Variants in ZNF451 observed in about 807,000 individuals in gnomAD.
ZNF451 encodes the protein zinc finger protein 451.
In ZNF451, 80 loss-of-function variants were observed where a neutral mutation model predicts 107.1. The observed-to-expected ratio is 0.75, with a 90% CI of 0.62 to 0.90. ZNF451 has a LOEUF of 0.90. Among genes scored for constraint, ZNF451 ranks in the 40% least tolerant of loss-of-function variants. ZNF451 has a pLI of 0.00. For synonymous variants in ZNF451, 362 were observed against 406.5 expected, an observed-to-expected ratio of 0.89 and a Z score of 1.32; for missense variants, 1,107 against 1,236.2, an observed-to-expected ratio of 0.90 and a Z score of 1.57.
intron 4 of ZNF451, chr6:57,126,495 A>C (rs1830935293): frequency 6.6e-6 from 1 of 152,222 alleles, no homozygotes; most frequent in African/African-American, 2.4e-5. Flanking sequence ...TCTGGTTAAA[A>C]ATAGACACTA....
At chr6:57,134,612 T>C (rs1831342089) in intron 6 of ZNF451, 132 bp from the exon 7 acceptor site, 1 of 690,660 alleles carries the variant, frequency 1.4e-6, no homozygotes, top group Non-Finnish European at 2.3e-6. Context: ...GAACATTACT[T>C]AATATTTCAG....
At position 57,133,086 on chromosome 6, in the gene ZNF451, C is replaced by A; in HGVS notation, c.469C>A (p.Arg157=). 1 of 1,613,982 alleles carries A rather than the reference C, an allele frequency of 6.2e-7. No individual in the cohort carries two copies. Among genetic ancestry groups the A allele is most frequent in the South Asian group, 1.1e-5 (1 of 91,068 alleles). ...TAATTGTGGAACAAAAAGTTCATTC[C>A]GAAGAGGAGGCCACACGTGGGTGTC... The part of the protein sequence containing the change: ...TINCGTKSSF[R]RGGHTWVSGK... Residue 157 remains arginine, a synonymous_variant, in exon 6 of 15, where the codon CGA becomes AGA. Transcript: ENST00000370706.
At chr6:57,145,813 A>G (rs1245514487) in intron 9 of ZNF451, among the ~76,000 whole-genome samples, 1 of 152,100 alleles carries the variant, frequency 6.6e-6, no homozygotes. Flanking sequence ...TAAGGTAGAT[A>G]CCAGTAGTGG....
At chr6:57,111,967 G>A (rs1046351620) in intron 3 of ZNF451, among the ~76,000 whole-genome samples, 1 of 152,148 alleles carries the variant, frequency 6.6e-6, no homozygotes, top group African/African-American at 2.4e-5. Flanking sequence ...AATTGGGGGT[G>A]GGAAGGAGAT....
intron 2 of ZNF451, among the ~76,000 whole-genome samples, chr6:57,094,993 C>G (rs150591781): frequency 2.6e-5 from 4 of 152,214 alleles, no homozygotes; most frequent in Non-Finnish European, 5.9e-5. Context: ...AAGCTTTGCA[C>G]AAGGCATGGT....
At chr6:57,108,709 T>C in intron 3 of ZNF451, 1 of 985,426 alleles carries the variant, frequency 1.0e-6, no homozygotes, top group Non-Finnish European at 1.2e-6. Context: ...GGAAGCATGT[T>C]AATATCCGTG....
intron 9 of ZNF451, among the ~76,000 whole-genome samples, chr6:57,145,423 T>C (rs1832015523): frequency 1.3e-5 from 2 of 152,202 alleles, no homozygotes; most frequent in Non-Finnish European, 2.9e-5. Flanking sequence ...TTGTACCCAA[T>C]AGGTTATTTT....
intron 3 of ZNF451, among the ~76,000 whole-genome samples, chr6:57,100,259 TA>T (rs1221669567): frequency 2.6e-5 from 4 of 152,214 alleles, no homozygotes; most frequent in Non-Finnish European, 5.9e-5. Context: ...TTGAATGGGA[TA>T]TTTTTTTCTT....
chr6:57,144,226 A>T lies in ZNF451; in HGVS notation c.1004+2131A>T, dbSNP rs543280665. Among the ~76,000 whole-genome samples, 4 of 149,916 alleles carry T rather than the reference A, an allele frequency of 2.7e-5. No individual in the cohort carries two copies. In the East Asian group the frequency reaches 7.8e-4, roughly 29 times the overall value. ...GAATTATATGGTATATGAATTATGA[A>T]TTATATCCTTTTTTTTTTTTTTTTT... is the stretch of plus-strand genomic sequence containing the variant. On this transcript the variant is annotated intron_variant, in intron 9 of 14. Transcript: ENST00000370706.
intron 9 of ZNF451, among the ~76,000 whole-genome samples, chr6:57,146,104 A>G (rs1050927153): frequency 6.6e-6 from 1 of 151,962 alleles, no homozygotes; most frequent in Admixed American, 6.6e-5. Flanking sequence ...ATGTCTGTTC[A>G]TGTCCTTTGC....
chr6:57,144,479 G>A (rs1175276875), intron 9 of ZNF451, among the ~76,000 whole-genome samples: 2 of 151,898 alleles, frequency 1.3e-5, no homozygotes, highest in African/African-American at 4.8e-5. Flanking sequence ...GACCTCAAGT[G>A]ATCTGTCCGC....
intron 3 of ZNF451, among the ~76,000 whole-genome samples, chr6:57,117,663 C>T (rs543995593): frequency 7.2e-5 from 11 of 152,154 alleles, no homozygotes; most frequent in African/African-American, 2.4e-4. Context: ...TATATAATTG[C>T]TGTGTTTCTG....
At chr6:57,103,931 A>T in intron 3 of ZNF451, 7 of 985,358 alleles carry the variant, frequency 7.1e-6, no homozygotes, top group Non-Finnish European at 7.2e-6. Flanking sequence ...TTGATGGCGT[A>T]AATTTTCCTA....
intron 2 of ZNF451, among the ~76,000 whole-genome samples, chr6:57,094,113 G>T (rs1829176343): frequency 6.6e-6 from 1 of 152,144 alleles, no homozygotes; most frequent in African/African-American, 2.4e-5. Context: ...TAGGAAATTG[G>T]TGTTTTGGCT....
chr6:57,120,612 T>A (rs1304530740), intron 3 of ZNF451, among the ~76,000 whole-genome samples: 1 of 152,252 alleles, frequency 6.6e-6, no homozygotes, highest in Non-Finnish European at 1.5e-5. Flanking sequence ...TATATTGGTA[T>A]CTCGTTGTTT....
chr6:57,163,436 CTTTTTTTTTTTTT>C lies in ZNF451; in HGVS notation c.3139+2304_3139+2316del, dbSNP rs398001706. Among the ~76,000 whole-genome samples the C allele has an allele frequency of 2.8e-3, 84 of 30,348 alleles. 3 individuals are homozygous for C. The highest frequency in any genetic ancestry group is 9.9e-3 in the Admixed American group (18 of 1,818). 19.9% of individuals were successfully genotyped at this position (30,348 alleles called of 152,430 possible). A position where few individuals can be genotyped will look rare whatever the true frequency, so the allele number is the denominator to read the frequency against. On this transcript the variant is annotated intron_variant, in intron 14 of 14. Transcript: ENST00000370706. ...AATGGTTGCTTGTTAAATGAATAAA[CTTTTTTTTTTTTT>C]TTTTTTTTTTTTTTTTTTTGAGACG...
At chr6:57,151,005 C>T in intron 11 of ZNF451, 143 bp downstream of exon 11, 3 of 998,160 alleles carry the variant, frequency 3.0e-6, no homozygotes, top group Non-Finnish European at 4.3e-6. Flanking sequence ...AGTTACTCTG[C>T]TAGAATCGTT....
chr6:57,150,244 G>T (rs1390694098), intron 10 of ZNF451, among the ~76,000 whole-genome samples: 1 of 152,008 alleles, frequency 6.6e-6, no homozygotes, highest in Non-Finnish European at 1.5e-5. Flanking sequence ...TGCTCTCTAG[G>T]GTGTTTAATC....
chr6:57,114,106 T>TA (rs1273129515), intron 3 of ZNF451, among the ~76,000 whole-genome samples: 1 of 152,212 alleles, frequency 6.6e-6, no homozygotes, highest in Non-Finnish European at 1.5e-5. Context: ...AGTAGAAATT[T>TA]AGCTTCTACT....
Sources: allele counts gnomAD v4.1 joint callset (sites outside exome capture counted in the v4.1 genomes callset), GRCh38; gene constraint gnomAD v4.1.1; transcripts MANE v1.5; gene names NCBI Gene and HGNC (gene_info 2026-07-23, HGNC 2026-07-21).